Variants in AGBL4 observed in about 807,000 individuals in gnomAD.
AGBL4 encodes AGBL carboxypeptidase 4.
AGBL4 carries 58 observed loss-of-function variants against 66.4 expected under a neutral mutation model. The ratio of observed to expected loss-of-function variants is 0.87; its 90% CI spans 0.71 to 1.09. The LOEUF is 1.09. Ranked by LOEUF, AGBL4 falls within the 50% of genes least tolerant of loss-of-function variation. AGBL4 has a pLI of 0.00. For missense variants in AGBL4, 579 were observed against 631.0 expected, an observed-to-expected ratio of 0.92 and a Z score of 0.88; for synonymous variants, 234 against 222.9, an observed-to-expected ratio of 1.05 and a Z score of -0.44.
At chr1:49,207,288 G>A (rs933985347) in intron 4 of AGBL4, among the ~76,000 whole-genome samples, 4 of 151,800 alleles carry the variant, frequency 2.6e-5, no homozygotes, top group Non-Finnish European at 4.4e-5. Context: ...AAAGGACTGC[G>A]GCAGATCAAA....
intron 5 of AGBL4, among the ~76,000 whole-genome samples, chr1:48,947,901 T>A (rs1434824946): frequency 6.6e-6 from 1 of 152,036 alleles, no homozygotes; most frequent in African/African-American, 2.4e-5. Flanking sequence ...TTGTTTTGTT[T>A]TTTTTTTTGA....
intron 3 of AGBL4, among the ~76,000 whole-genome samples, chr1:49,667,599 G>A (rs1376537203): frequency 6.6e-6 from 1 of 152,066 alleles, no homozygotes; most frequent in Non-Finnish European, 1.5e-5. Flanking sequence ...TACTACTCAG[G>A]AAAGGTCCAA....
At chr1:48,556,182 C>T (rs1299699601) in intron 11 of AGBL4, among the ~76,000 whole-genome samples, 1 of 152,198 alleles carries the variant, frequency 6.6e-6, no homozygotes, top group Admixed American at 6.5e-5. Context: ...AATGATCCCA[C>T]TGACAGGATG....
intron 6 of AGBL4, among the ~76,000 whole-genome samples, chr1:48,725,303 G>A (rs981020223): frequency 3.9e-5 from 6 of 152,216 alleles, no homozygotes; most frequent in Non-Finnish European, 7.4e-5. Flanking sequence ...CCTTATCCCA[G>A]ACCTACCGAA....
At chr1:49,215,683 C>G (rs1649031724) in intron 4 of AGBL4, among the ~76,000 whole-genome samples, 1 of 152,080 alleles carries the variant, frequency 6.6e-6, no homozygotes, top group Non-Finnish European at 1.5e-5. Flanking sequence ...TTGCACAAGT[C>G]TGGACACAAT....
chr1:49,761,909 AAT>A (rs754467317), intron 2 of AGBL4, among the ~76,000 whole-genome samples: 3 of 152,074 alleles, frequency 2.0e-5, no homozygotes. Context: ...CTATTTCTAT[AAT>A]AGTTTTTTAA....
At chr1:49,304,370 CATGTCCTAACAGTCT>C (rs1421928419) in intron 3 of AGBL4, among the ~76,000 whole-genome samples, 1 of 152,194 alleles carries the variant, frequency 6.6e-6, no homozygotes, top group African/African-American at 2.4e-5. Context: ...ACTTTTAACA[CATGTCCTAACAGTCT>C]TGAATATCTA....
intron 6 of AGBL4, among the ~76,000 whole-genome samples, chr1:48,665,457 G>A (rs1251554300): frequency 5.9e-5 from 9 of 152,078 alleles, no homozygotes; most frequent in Non-Finnish European, 1.2e-4. Flanking sequence ...AAGAAATATC[G>A]ACTCATATTA....
intron 6 of AGBL4, among the ~76,000 whole-genome samples, chr1:48,863,460 T>A (rs569156973): frequency 6.6e-6 from 1 of 152,102 alleles, no homozygotes; most frequent in Non-Finnish European, 1.5e-5. Flanking sequence ...ATATAAGGAT[T>A]ATTATACTGT....
At chr1:49,836,508 A>T (rs546941672) in intron 2 of AGBL4, among the ~76,000 whole-genome samples, 1 of 152,122 alleles carries the variant, frequency 6.6e-6, no homozygotes, top group Non-Finnish European at 1.5e-5. Flanking sequence ...GCTTCCTTGC[A>T]TTGGGTTAGA....
intron 3 of AGBL4, among the ~76,000 whole-genome samples, chr1:49,492,671 G>A (rs1647219550): frequency 6.6e-6 from 1 of 151,938 alleles, no homozygotes; most frequent in Admixed American, 6.6e-5. Flanking sequence ...CCCCATGTAA[G>A]TACAGCTATT....
intron 3 of AGBL4, among the ~76,000 whole-genome samples, chr1:49,274,652 A>G (rs1046547912): frequency 3.3e-5 from 5 of 152,134 alleles, no homozygotes; most frequent in Non-Finnish European, 5.9e-5. Flanking sequence ...TTTCAAAGAA[A>G]TTCATAATAT....
intron 2 of AGBL4, among the ~76,000 whole-genome samples, chr1:49,809,782 A>T (rs1645058058): frequency 6.6e-6 from 1 of 152,162 alleles, no homozygotes. Context: ...AACCAGACAA[A>T]ATGCTGTAAA....
chr1:48,539,974 G>T (rs546914613), intron 11 of AGBL4, among the ~76,000 whole-genome samples: 1 of 152,076 alleles, frequency 6.6e-6, no homozygotes, highest in African/African-American at 2.4e-5. Flanking sequence ...TTTGCCTAAG[G>T]TCACAAAACT....
intron 3 of AGBL4, among the ~76,000 whole-genome samples, chr1:49,524,418 T>C (rs936605494): frequency 6.6e-6 from 1 of 152,114 alleles, no homozygotes; most frequent in Non-Finnish European, 1.5e-5. Flanking sequence ...TCTTAATTAC[T>C]CTGCAATGTC....
At chr1:49,108,904 C>A (rs1645350925) in intron 4 of AGBL4, among the ~76,000 whole-genome samples, 1 of 152,240 alleles carries the variant, frequency 6.6e-6, no homozygotes, top group Non-Finnish European at 1.5e-5. Context: ...CAGGAGAACG[C>A]CCTCAGTTCT....
At chr1:49,996,593 G>T (rs930525353) in intron 1 of AGBL4, among the ~76,000 whole-genome samples, 1 of 152,150 alleles carries the variant, frequency 6.6e-6, no homozygotes, top group Non-Finnish European at 1.5e-5. Flanking sequence ...AGAATAATTG[G>T]TGTACTCAAG....
chr1:49,152,070 A>T (rs900752564), intron 4 of AGBL4, among the ~76,000 whole-genome samples: 2 of 152,354 alleles, frequency 1.3e-5, no homozygotes, highest in South Asian at 4.1e-4. Context: ...TATCTTACAT[A>T]TACTAGCTTA....
At chr1:49,926,090 G>A (rs1652742097) in intron 1 of AGBL4, among the ~76,000 whole-genome samples, 1 of 152,204 alleles carries the variant, frequency 6.6e-6, no homozygotes, top group Admixed American at 6.5e-5. Flanking sequence ...GGCTATGCTG[G>A]CTTCAGGTCT....
Sources: gnomAD v4.1 joint callset for allele counts (sites outside exome capture counted in the v4.1 genomes callset) on GRCh38, gnomAD v4.1.1 for gene constraint, MANE v1.5 for transcripts, NCBI Gene and HGNC (gene_info 2026-07-23, HGNC 2026-07-21) for gene names.